MYL12A: variants seen among roughly 807,000 people sequenced by gnomAD.
MYL12A encodes myosin light chain 12A.
Under a neutral mutation model 13.3 loss-of-function variants are expected in MYL12A, and 11 were observed. The ratio of observed to expected loss-of-function variants is 0.83; its 90% CI spans 0.52 to 1.37. The LOEUF is 1.37. Among genes scored for constraint, MYL12A ranks in the 40% most tolerant of loss-of-function variants. The pLI, the probability that MYL12A is intolerant of heterozygous loss-of-function variation, is 0.00. For missense variants in MYL12A, 146 were observed against 212.3 expected (o/e 0.69, Z 1.94); for synonymous variants, 51 against 69.9 (o/e 0.73, Z 1.35).
chr18:3,251,085 TAA>T (rs1567983448), intron 1 of MYL12A, among the ~76,000 whole-genome samples: 1 of 151,532 alleles, frequency 6.6e-6, no homozygotes, highest in Non-Finnish European at 1.5e-5. Context: ...TTGATAAGAT[TAA>T]GTATTGAATG....
chr18:3,247,650 C>T (rs1252987925), upstream of MYL12A: 2 of 152,314 alleles, frequency 1.3e-5, no homozygotes, highest in Non-Finnish European at 2.9e-5. Context: ...GCTCTATATT[C>T]TAGGTCGCCC....
chr18:3,247,953 A>G (rs1424744633), intron 1 of MYL12A, 44 bp downstream of exon 1: 1 of 151,732 alleles, frequency 6.6e-6, no homozygotes, highest in Non-Finnish European at 1.5e-5. Flanking sequence ...CATCCCGGGG[A>G]CCCGTCTCCG....
chr18:3,247,870 G>A lies in MYL12A; in HGVS notation c.-55G>A, dbSNP rs1407033759. 1 of 152,038 alleles carries A rather than the reference G, an allele frequency of 6.6e-6. No homozygotes were observed. Among genetic ancestry groups the A allele is most frequent in the Non-Finnish European group, 1.5e-5 (1 of 68,062 alleles). 9.4% of individuals were successfully genotyped at this position (152,038 alleles called of 1,614,324 possible). A position where few individuals can be genotyped will look rare whatever the true frequency, so the allele number is the denominator to read the frequency against. ...CAGGGTGGTGTGATAGCGGCAGCGAGGGGCTCGGAGAGGTGCTCGGATTCT... is the reference window on the plus strand; with the variant it reads ...CAGGGTGGTGTGATAGCGGCAGCGAAGGGCTCGGAGAGGTGCTCGGATTCT... On this transcript the variant is annotated 5_prime_UTR_variant, in exon 1 of 4. Transcript: ENST00000217652.
chr18:3,254,827 T>C (rs2081521051), intron 3 of MYL12A, among the ~76,000 whole-genome samples: 1 of 152,236 alleles, frequency 6.6e-6, no homozygotes, highest in African/African-American at 2.4e-5. Context: ...GTGTGTTTAG[T>C]GAAGGAAGGC....
At position 3,255,929 on chromosome 18, in the gene MYL12A, A is replaced by C. The variant is rs373124731; in HGVS notation, c.*11A>C. 15 of 1,612,688 alleles carry C rather than the reference A, an allele frequency of 9.3e-6. No homozygotes were observed. In the Admixed American group the frequency reaches 1.0e-4, roughly 11 times the overall value. ...GACAAAGATGACTGAAATAACTTCAAATTCCAGCCAAACGTTCCTTGTTGC... is the reference window on the plus strand; with the variant it reads ...GACAAAGATGACTGAAATAACTTCACATTCCAGCCAAACGTTCCTTGTTGC... On this transcript the variant is annotated 3_prime_UTR_variant, in exon 4 of 4. Transcript: ENST00000217652.
Position 3,255,959 on chromosome 18 carries a change from T to A in MYL12A, c.*41T>A. 6.2e-7 allele frequency: 1 copy of A among 1,601,084 alleles called. No individual in the cohort carries two copies. On this transcript the variant is annotated 3_prime_UTR_variant, in exon 4 of 4. Transcript: ENST00000217652. The stretch of plus-strand genomic sequence containing the variant: ...CAGCCAAACGTTCCTTGTTGCCACT[T>A]TGGGTATTCTGAGATTTTCTCTTGC...
At chr18:3,254,139 T>C (rs2081515517) in intron 3 of MYL12A, 89 bp downstream of exon 3, 10 of 1,449,830 alleles carry the variant, frequency 6.9e-6, no homozygotes, top group Non-Finnish European at 9.4e-6. Context: ...ATGATAACGC[T>C]CTCAGGTTTG....
chr18:3,254,388 C>G (rs1475934106), intron 3 of MYL12A, among the ~76,000 whole-genome samples: 1 of 152,220 alleles, frequency 6.6e-6, no homozygotes, highest in Admixed American at 6.5e-5. Flanking sequence ...ATAGGCCATG[C>G]ACCACTACAA....
chr18:3,248,335 T>A (rs530491487), intron 1 of MYL12A: 1 of 152,356 alleles, frequency 6.6e-6, no homozygotes, highest in South Asian at 2.1e-4. Context: ...ATTGGGAAGT[T>A]CTTCAGCTCA....
chr18:3,253,619 CGTGTGT>C, intron 2 of MYL12A, 191 bp downstream of exon 2: 1 of 727,132 alleles, frequency 1.4e-6, no homozygotes, highest in Non-Finnish European at 2.2e-6. Flanking sequence ...GGTTGGGGTT[CGTGTGT>C]GTGTGTGTGT....
chr18:3,254,199 A>C, intron 3 of MYL12A, 149 bp downstream of exon 3: 1 of 930,532 alleles, frequency 1.1e-6, no homozygotes, highest in Non-Finnish European at 1.6e-6. Context: ...TTTGTCACTC[A>C]CTTTGCTGCT....
At chr18:3,249,581 C>G (rs2081464141) in intron 1 of MYL12A, 1 of 152,202 alleles carries the variant, frequency 6.6e-6, no homozygotes, top group Non-Finnish European at 1.5e-5. Flanking sequence ...ACAGACACTC[C>G]TTGACACCAA....
chr18:3,252,562 T>C, intron 1 of MYL12A: 2 of 983,872 alleles, frequency 2.0e-6, no homozygotes, highest in Non-Finnish European at 2.7e-6. Context: ...GTGCTCTGAT[T>C]TCTGTTTAGA....
chr18:3,256,109 A>C lies in MYL12A; in HGVS notation c.*191A>C. ...ATTAATATCATTTTCAGAATAAAAA[A>C]TAGGATAATTTAACCTACCAGCCCT... On this transcript the variant is annotated 3_prime_UTR_variant, in exon 4 of 4. Coordinates refer to ENST00000217652, the MANE Select transcript of MYL12A (RefSeq NM_006471.4). The C allele has an allele frequency of 1.4e-6, 1 of 721,810 alleles. No homozygotes were observed. The highest frequency in any genetic ancestry group is 2.2e-6 in the Non-Finnish European group (1 of 449,402). The allele number at this position is 721,810 out of a possible 1,614,324, so 44.7% of individuals were successfully genotyped here.
chr18:3,248,049 C>G (rs1038390713), intron 1 of MYL12A, 140 bp downstream of exon 1: 3 of 152,186 alleles, frequency 2.0e-5, no homozygotes, highest in African/African-American at 7.2e-5. Context: ...TTCTGGGATC[C>G]GAGGCCATGG....
At chr18:3,252,252 ACT>A in intron 1 of MYL12A, 1 of 1,292,104 alleles carries the variant, frequency 7.7e-7, no homozygotes, top group East Asian at 2.5e-5. Context: ...GAAGAATATA[ACT>A]CAATGCAGTG....
intron 1 of MYL12A, chr18:3,248,427 C>T (rs72861686): frequency 6.6e-6 from 1 of 152,042 alleles, no homozygotes; most frequent in Non-Finnish European, 1.5e-5. Flanking sequence ...GTTTGTGACT[C>T]GAAGAAAAAC....
In MYL12A at chr18:3,253,989, T is replaced by C. The variant is rs1478248878; in HGVS notation, c.282T>C (p.Asn94=). 1.9e-6 allele frequency: 3 copies of C among 1,613,930 alleles called. No individual in the cohort carries two copies. The highest frequency in any genetic ancestry group is 3.3e-5 in the Admixed American group (2 of 60,006). ...MFLTMFGEKL[N]GTDPEDVIRN... is the part of the protein sequence containing the mutation. ...TCACCATGTTTGGTGAGAAGTTAAA[T>C]GGCACAGATCCTGAAGATGTCATCA... Residue 94 remains asparagine, a synonymous_variant, in exon 3 of 4, where the codon AAT becomes AAC. Coordinates refer to ENST00000217652, the MANE Select transcript of MYL12A (RefSeq NM_006471.4).
At chr18:3,254,100 G>T (rs1182459207) in intron 3 of MYL12A, 50 bp downstream of exon 3, 4 of 1,570,834 alleles carry the variant, frequency 2.5e-6, no homozygotes, top group Admixed American at 3.7e-5. Flanking sequence ...TTTTAGTTAT[G>T]GTAACTAAAA....
Sources: gnomAD v4.1 joint callset for allele counts (sites outside exome capture counted in the v4.1 genomes callset) on GRCh38, gnomAD v4.1.1 for gene constraint, MANE v1.5 for transcripts, NCBI Gene and HGNC (gene_info 2026-07-23, HGNC 2026-07-21) for gene names.